The following MGAT5B variants were observed in gnomAD, a reference collection of about 807,000 sequenced individuals.
MGAT5B encodes the protein N-acetylglucosaminyl-transferase Vb.
Under a neutral mutation model 95.1 loss-of-function variants are expected in MGAT5B, and 54 were observed. The ratio of observed to expected loss-of-function variants is 0.57; its 90% CI spans 0.46 to 0.71. MGAT5B has a LOEUF of 0.71. Ranked by LOEUF, MGAT5B falls within the 30% of genes least tolerant of loss-of-function variation. The probability of loss-of-function intolerance (pLI) is 0.00; values close to 1 mark genes in which losing one functional copy is unlikely to be tolerated. For synonymous variants in MGAT5B, 464 were observed against 451.0 expected (o/e 1.03, Z -0.36); for missense variants, 935 against 1,088.6 (o/e 0.86, Z 1.99).
At chr17:76,891,903 G>A (rs1309994835) in intron 3 of MGAT5B, among the ~76,000 whole-genome samples, 1 of 152,092 alleles carries the variant, frequency 6.6e-6, no homozygotes, top group Non-Finnish European at 1.5e-5. Context: ...TCGGTGCTTC[G>A]AACACAGGGT....
In MGAT5B at chr17:76,922,545, G is replaced by T. The variant is rs1040927097; in HGVS notation, c.1026-2421G>T. 3.3e-5 allele frequency among the ~76,000 whole-genome samples: 5 copies of T among 152,220 alleles called. No homozygotes were observed. The South Asian group carries it at 6.2e-4, about 19-fold the overall frequency. Reference sequence around the variant, plus strand: ...GTCTTGCAGAGTGAATGCAGAATTTGTTCAACACTTAAACCTACCACCAAA... The same window carrying T: ...GTCTTGCAGAGTGAATGCAGAATTTTTTCAACACTTAAACCTACCACCAAA... On this transcript the variant is annotated intron_variant, in intron 8 of 17. Coordinates refer to ENST00000569840, the MANE Select transcript of MGAT5B (RefSeq NM_001199172.2).
intron 13 of MGAT5B, among the ~76,000 whole-genome samples, chr17:76,939,670 T>G (rs947352881): frequency 1.3e-5 from 2 of 152,156 alleles, no homozygotes; most frequent in African/African-American, 4.8e-5. Flanking sequence ...CTTTACCCCC[T>G]TCCTCCTCCC....
At chr17:76,902,712 C>T in intron 4 of MGAT5B, 42 bp downstream of exon 4, 1 of 1,420,042 alleles carries the variant, frequency 7.0e-7, no homozygotes, top group South Asian at 1.2e-5. Context: ...CCCTAGGGGG[C>T]CAATGAACTG....
chr17:76,935,954 TTATA>T (rs201147006), intron 12 of MGAT5B, among the ~76,000 whole-genome samples: 3 of 140,588 alleles, frequency 2.1e-5, no homozygotes, highest in African/African-American at 7.8e-5. Context: ...ATTATATACA[TTATA>T]TATATATATA....
At position 76,940,574 on chromosome 17, in the gene MGAT5B, G is replaced by A. The variant is rs142228172; in HGVS notation, c.1731+26G>A. 43,843 of 1,596,110 alleles carry A rather than the reference G, an allele frequency of 0.027. 720 individuals carry two copies. The highest frequency in any genetic ancestry group is 0.031 in the Non-Finnish European group (36,561 of 1,168,114). On this transcript the variant is annotated intron_variant, in intron 14 of 17. Coordinates refer to ENST00000569840, the MANE Select transcript of MGAT5B (RefSeq NM_001199172.2). The surrounding 1 kb of genome is among the most constrained non-coding windows in gnomAD (Gnocchi z 4.3). ...GTGAGTGGAAAGCATCCTGGTCCCC[G>A]ATCAGGAGGGGCCGGGACAGAGACC... is the stretch of plus-strand genomic sequence containing the variant.
chr17:76,890,502 ATTTC>A (rs956809495), intron 3 of MGAT5B, among the ~76,000 whole-genome samples: 41 of 152,198 alleles, frequency 2.7e-4, no homozygotes, highest in African/African-American at 7.9e-4. Flanking sequence ...GACAACAGAC[ATTTC>A]TTTCTTTCTT....
In MGAT5B at chr17:76,869,749, G is replaced by C. The variant is rs866785822; in HGVS notation, c.68+652G>C. Among the ~76,000 whole-genome samples, 1 of 152,196 alleles carries C rather than the reference G, an allele frequency of 6.6e-6. No homozygotes were observed. Among genetic ancestry groups the C allele is most frequent in the African/African-American group, 2.4e-5 (1 of 41,456 alleles). On this transcript the variant is annotated intron_variant, in intron 1 of 17. Transcript: ENST00000569840. The surrounding 1 kb of genome is among the most constrained non-coding windows in gnomAD (Gnocchi z 7.0). ...GCAGGGCTACGGGGCGGCTGGAGCC[G>C]AGGCTGCGGCGGAGCGTGGTGGGCG... is the stretch of plus-strand genomic sequence containing the variant.
intron 16 of MGAT5B, 80 bp from the exon 17 acceptor site, chr17:76,947,750 G>A (rs1291772611): frequency 1.2e-5 from 18 of 1,469,152 alleles, no homozygotes; most frequent in African/African-American, 2.8e-5. Flanking sequence ...GTACTGGCAC[G>A]GCAGGGCCAC....
At chr17:76,907,762 G>T (rs1968584127) in intron 8 of MGAT5B, among the ~76,000 whole-genome samples, 1 of 152,200 alleles carries the variant, frequency 6.6e-6, no homozygotes, top group Non-Finnish European at 1.5e-5. Flanking sequence ...TGAAAATTCA[G>T]CTTTACAAGA....
At chr17:76,895,301 G>A (rs62084713) in intron 3 of MGAT5B, among the ~76,000 whole-genome samples, 13,438 of 151,770 alleles carry the variant, frequency 0.089, 821 homozygotes, top group Admixed American at 0.18. Flanking sequence ...CTGATTCTAC[G>A]TGGTGGTGAG....
At chr17:76,871,892 C>T (rs893890230) in intron 1 of MGAT5B, among the ~76,000 whole-genome samples, 2 of 152,196 alleles carry the variant, frequency 1.3e-5, no homozygotes, top group African/African-American at 4.8e-5. Flanking sequence ...TGTTTGGGGC[C>T]TAGGATTGAT....
At position 76,882,308 on chromosome 17, in the gene MGAT5B, C is replaced by T. The variant is rs372471042; in HGVS notation, c.329+10C>T. Reference sequence around the variant, plus strand: ...ACTTTCCCGCAGACAGGTGAGGGGACGTGGGGAGGAGGCACACGGAGCAGG... The same window carrying T: ...ACTTTCCCGCAGACAGGTGAGGGGATGTGGGGAGGAGGCACACGGAGCAGG... On this transcript the variant is annotated intron_variant, in intron 3 of 17. Transcript: ENST00000569840. 256 of 1,603,338 alleles carry T rather than the reference C, an allele frequency of 1.6e-4. No homozygotes were observed. Among genetic ancestry groups the T allele is most frequent in the African/African-American group, 1.5e-3 (116 of 74,964 alleles).
At position 76,947,870 on chromosome 17, in the gene MGAT5B, A is replaced by G. The variant is rs1248878664; in HGVS notation, c.1964A>G (p.His655Arg). Residue 655 changes from histidine to arginine, a missense_variant, in exon 17 of 18, where the codon CAC becomes CGC. Physicochemically the swap from His to Arg is conservative, Grantham distance 29 (BLOSUM62 0). Around this residue, in one of 4 missense-constraint regions of MGAT5B, gnomAD observed 440 missense variants for 523.6 expected, o/e 0.84. Coordinates refer to ENST00000569840, the MANE Select transcript of MGAT5B (RefSeq NM_001199172.2). ...CCAGACCCTGCCCTACCAGAGGCCC[A>G]CGCCCCGCAGAGCCCCTTTGTCCTG... ...RAPDPALPEA[H>R]APQSPFVLAP... 1.2e-5 allele frequency: 19 copies of G among 1,597,372 alleles called. No homozygotes were observed. Among genetic ancestry groups the G allele is most frequent in the Non-Finnish European group, 1.5e-5 (18 of 1,168,544 alleles).
intron 10 of MGAT5B, 84 bp from the exon 11 acceptor site, chr17:76,932,561 C>T (rs1969526101): frequency 1.9e-6 from 3 of 1,579,464 alleles, no homozygotes; most frequent in Admixed American, 3.6e-5. Flanking sequence ...AAAAGAGGAC[C>T]TCTTGGGCGG....
intron 15 of MGAT5B, among the ~76,000 whole-genome samples, chr17:76,941,975 T>TCCTG (rs1239483752): frequency 2.0e-5 from 3 of 152,154 alleles, no homozygotes; most frequent in Non-Finnish European, 4.4e-5. Flanking sequence ...GGATGCCAGT[T>TCCTG]CCTGACACTT....
At chr17:76,903,772 C>T (rs939257116) in intron 5 of MGAT5B, among the ~76,000 whole-genome samples, 5 of 152,226 alleles carry the variant, frequency 3.3e-5, no homozygotes, top group Admixed American at 2.6e-4. Context: ...AGTCAGCTCC[C>T]CACTGGTTCT....
At chr17:76,945,165 G>GT (rs1969994804) in intron 15 of MGAT5B, among the ~76,000 whole-genome samples, 1 of 145,184 alleles carries the variant, frequency 6.9e-6, no homozygotes, top group African/African-American at 2.6e-5. Context: ...TTAAGAAGTC[G>GT]GGGGGAGGCA....
At chr17:76,881,194 TC>T (rs933959068) in intron 2 of MGAT5B, among the ~76,000 whole-genome samples, 1 of 152,138 alleles carries the variant, frequency 6.6e-6, no homozygotes, top group Non-Finnish European at 1.5e-5. Context: ...GCGCTAATGA[TC>T]GGGAATGATT....
Position 76,916,784 on chromosome 17 carries a change from T to C in MGAT5B, c.1026-8182T>C, listed in dbSNP as rs1474005531. The stretch of plus-strand genomic sequence containing the variant: ...GGGATGAGGGGACCAGTGTTCTTCC[T>C]CTGCCAAGGACAGACCAAGAGAGCG... On this transcript the variant is annotated intron_variant, in intron 8 of 17. Coordinates refer to ENST00000569840, the MANE Select transcript of MGAT5B (RefSeq NM_001199172.2). The surrounding 1 kb of genome is among the most constrained non-coding windows in gnomAD (Gnocchi z 5.3). Among the ~76,000 whole-genome samples the C allele has an allele frequency of 6.6e-6, 1 of 152,100 alleles. No homozygotes were observed. The highest frequency in any genetic ancestry group is 1.5e-5 in the Non-Finnish European group (1 of 68,012).
Sources: allele counts gnomAD v4.1 joint callset (sites outside exome capture counted in the v4.1 genomes callset), GRCh38; gene constraint gnomAD v4.1.1; regional missense constraint gnomAD v4.1.1; non-coding constraint Gnocchi (gnomAD v3.1); transcripts MANE v1.5; gene names NCBI Gene and HGNC (gene_info 2026-07-23, HGNC 2026-07-21).